Variants in HMX1 observed in about 807,000 individuals in gnomAD.
HMX1 encodes the protein H6 family homeobox 1.
Under a neutral mutation model 8.9 loss-of-function variants are expected in HMX1, and 8 were observed. That is an observed-to-expected ratio of 0.90 (90% CI 0.53 to 1.63). The LOEUF (loss-of-function observed/expected upper bound fraction) is 1.63, where lower values mean the gene tolerates loss of function less well. Among genes scored for constraint, HMX1 ranks in the 40% most tolerant of loss-of-function variants. The probability of loss-of-function intolerance (pLI) is 0.00; values close to 1 mark genes in which losing one functional copy is unlikely to be tolerated. For synonymous variants in HMX1, 311 were observed against 283.4 expected (o/e 1.10, Z -0.98); for missense variants, 621 against 558.5 (o/e 1.11, Z -1.13).
chr4:8,846,172 G>T (rs772947497), exon 2 of HMX1: 2 of 1,216,260 alleles, frequency 1.6e-6, no homozygotes, highest in South Asian at 1.3e-5. Flanking sequence ...GCTGACAAAG[G>T]CTCCACCGTG....
Position 8,868,161 on chromosome 4 carries a change from G to A in HMX1, c.579C>T (p.Arg193=). 3 of 1,502,472 alleles carry A rather than the reference G, an allele frequency of 2.0e-6. No individual in the cohort carries two copies. The highest frequency in any genetic ancestry group is 2.1e-5 in the Admixed American group (1 of 47,524). 93.1% of individuals were successfully genotyped at this position (1,502,472 alleles called of 1,614,324 possible). A position where few individuals can be genotyped will look rare whatever the true frequency, so the allele number is the denominator to read the frequency against. ...AEVPAAAGET[R]GGVGVGGGRK... is the part of the protein sequence containing the mutation. ...GGCCGCCGCCCACGCCAACGCCGCC[G>A]CGTGTCTCCCCAGCCGCCGCAGGGA... The change falls in exon 2 of 2, where the codon CGC becomes CGT. Residue 193 remains arginine, a synonymous_variant. Coordinates refer to ENST00000400677, the MANE Select transcript of HMX1 (RefSeq NM_018942.3). The surrounding 1 kb of genome is among the most constrained non-coding windows in gnomAD (Gnocchi z 4.6).
intron 1 of HMX1, among the ~76,000 whole-genome samples, chr4:8,855,820 T>C (rs1296320912): frequency 2.0e-5 from 3 of 152,120 alleles, no homozygotes. Flanking sequence ...CCAATCTGCC[T>C]GCTGACCTGC....
At chr4:8,861,911 G>C (rs1415729419) in intron 1 of HMX1, among the ~76,000 whole-genome samples, 1 of 152,244 alleles carries the variant, frequency 6.6e-6, no homozygotes, top group Non-Finnish European at 1.5e-5. Context: ...GCCGCTGCGC[G>C]CAACCTCCCA....
At chr4:8,862,712 G>A (rs1165361166), downstream of HMX1, among the ~76,000 whole-genome samples, 1 of 152,202 alleles carries the variant, frequency 6.6e-6, no homozygotes, top group Non-Finnish European at 1.5e-5. Context: ...GAACTTCACT[G>A]CAATGTCCAG....
downstream of HMX1, among the ~76,000 whole-genome samples, chr4:8,865,660 G>T (rs1037190980): frequency 6.6e-6 from 1 of 152,118 alleles, no homozygotes; most frequent in African/African-American, 2.4e-5. Flanking sequence ...GGGGAGAGGG[G>T]TCAGAAGGGG....
chr4:8,857,302 G>T (rs1337362581), intron 1 of HMX1, among the ~76,000 whole-genome samples: 1 of 152,170 alleles, frequency 6.6e-6, no homozygotes, highest in East Asian at 1.9e-4. Flanking sequence ...TCGCCCAGCC[G>T]GAGCCTCAGT....
chr4:8,854,113 T>A (rs1721537255), intron 1 of HMX1, among the ~76,000 whole-genome samples: 1 of 152,066 alleles, frequency 6.6e-6, no homozygotes, highest in Non-Finnish European at 1.5e-5. Flanking sequence ...CTGCCTCGAA[T>A]GGGTCCTGGA....
chr4:8,852,934 C>T (rs903225709), intron 1 of HMX1, among the ~76,000 whole-genome samples: 1 of 151,954 alleles, frequency 6.6e-6, no homozygotes, highest in Non-Finnish European at 1.5e-5. Flanking sequence ...AGAGCTGGTG[C>T]TTCAGCAGCC....
Position 8,871,665 on chromosome 4 carries a change from G to A in HMX1, c.-51C>T. ...GCCGGGCTCCTCGGTCCCCGCTGGG[G>A]ATGGTGGCGCGCGGCTCCCGGGCGC... On this transcript the variant is annotated 5_prime_UTR_variant, in exon 1 of 2. Transcript: ENST00000400677. This position sits in a 1 kb window ranked among gnomAD's most constrained non-coding sequence, Gnocchi z 4.8. 8.6e-7 allele frequency: 1 copy of A among 1,165,778 alleles called. No individual in the cohort carries two copies. Among genetic ancestry groups the A allele is most frequent in the Non-Finnish European group, 1.1e-6 (1 of 946,284 alleles). The allele number at this position is 1,165,778 out of a possible 1,614,324, so 72.2% of individuals were successfully genotyped here. A position where few individuals can be genotyped will look rare whatever the true frequency, so the allele number is the denominator to read the frequency against.
At chr4:8,855,318 T>G (rs978704204) in intron 1 of HMX1, among the ~76,000 whole-genome samples, 3 of 152,242 alleles carry the variant, frequency 2.0e-5, no homozygotes, top group African/African-American at 7.2e-5. Context: ...TTATCAGTGA[T>G]GATGCCTACC....
chr4:8,871,320 G>A lies in HMX1; in HGVS notation c.295C>T (p.Pro99Ser), dbSNP rs1395122003. 5.1e-6 allele frequency: 7 copies of A among 1,376,618 alleles called. No individual in the cohort carries two copies. The highest frequency in any genetic ancestry group is 3.1e-5 in the African/African-American group (2 of 65,102). The allele number at this position is 1,376,618 out of a possible 1,614,324, so 85.3% of individuals were successfully genotyped here. Reference protein sequence around the residue: ...PGALGLGPRPPPGPGPPFALG... With the variant: ...PGALGLGPRPSPGPGPPFALG... Reference sequence around the variant, plus strand: ...GCGAAGGGCGGCCCGGGACCGGGGGGCGGCCGAGGACCGAGGCCCAGCGCG... The same window carrying A: ...GCGAAGGGCGGCCCGGGACCGGGGGACGGCCGAGGACCGAGGCCCAGCGCG... The change falls in exon 1 of 2, where the codon CCC becomes TCC. Residue 99 changes from proline (P) to serine (S), a missense_variant. By Grantham distance (74) the Pro-to-Ser change is moderately conservative (BLOSUM62 -1). Coordinates refer to ENST00000400677, the MANE Select transcript of HMX1 (RefSeq NM_018942.3). The surrounding 1 kb of genome is among the most constrained non-coding windows in gnomAD (Gnocchi z 4.8).
chr4:8,848,313 CTGTT>C lies in HMX1; in HGVS notation c.395-1993_395-1990del, dbSNP rs1721336499. Reference sequence around the variant, plus strand: ...GGATGAAATTATCATTTATTTGCAACTGTTTGTTCTTTAATGTAGCTACTAGAAA... The same window carrying C: ...GGATGAAATTATCATTTATTTGCAACTGTTCTTTAATGTAGCTACTAGAAA... On this transcript the variant is annotated intron_variant, in intron 1 of 1. Coordinates refer to the HMX1 transcript ENST00000506970. The surrounding 1 kb of genome is among the most constrained non-coding windows in gnomAD (Gnocchi z 4.1). Among the ~76,000 whole-genome samples the C allele has an allele frequency of 6.6e-6, 1 of 152,144 alleles. No individual in the cohort carries two copies. Among genetic ancestry groups the C allele is most frequent in the Non-Finnish European group, 1.5e-5 (1 of 68,044 alleles).
chr4:8,862,885 C>T (rs1721874427), downstream of HMX1, among the ~76,000 whole-genome samples: 1 of 152,216 alleles, frequency 6.6e-6, no homozygotes, highest in Non-Finnish European at 1.5e-5. Flanking sequence ...CCGTGCATGA[C>T]ACGCAGAGCT....
At chr4:8,858,463 C>T (rs145559740) in intron 1 of HMX1, among the ~76,000 whole-genome samples, 7,112 of 152,272 alleles carry the variant, frequency 0.047, 205 homozygotes, top group South Asian at 0.081. Flanking sequence ...CGCGGCAAGA[C>T]CCCAGGAACT....
At chr4:8,860,534 C>G (rs932131813) in intron 1 of HMX1, 1 of 149,088 alleles carries the variant, frequency 6.7e-6, no homozygotes, top group East Asian at 1.9e-4. Flanking sequence ...GTCCAGGAAT[C>G]TAACCCTTCC....
chr4:8,868,035 G>C lies in HMX1; in HGVS notation c.705C>G (p.Gly235=). 2 of 1,537,914 alleles carry C rather than the reference G, an allele frequency of 1.3e-6. No homozygotes were observed. Among genetic ancestry groups the C allele is most frequent in the Non-Finnish European group, 1.7e-6 (2 of 1,144,026 alleles). The change falls in exon 2 of 2, where the codon GGC becomes GGG. Residue 235 remains glycine, a synonymous_variant. Coordinates refer to ENST00000400677, the MANE Select transcript of HMX1 (RefSeq NM_018942.3). This position sits in a 1 kb window ranked among gnomAD's most constrained non-coding sequence, Gnocchi z 4.6. ...CGGTGAGCTGCAGGGAGGCGGCCAG[G>C]CCGGCGCGCTCGGCGCTGCTCAGGT... The part of the protein sequence containing the change: ...KRYLSSAERA[G]LAASLQLTET...
downstream of HMX1, among the ~76,000 whole-genome samples, chr4:8,862,456 A>G (rs1248357962): frequency 2.0e-5 from 3 of 152,082 alleles, no homozygotes; most frequent in East Asian, 5.9e-4. Flanking sequence ...ACCCACCCCT[A>G]TCCCACAGTT....
rs370121616 is a variant in HMX1 at position 8,851,948 on chromosome 4, T to C, written c.395-5624A>G. On this transcript the variant is annotated intron_variant, in intron 1 of 1. Coordinates refer to the HMX1 transcript ENST00000506970. Reference sequence around the variant, plus strand: ...GGCAGAGATGGGAGGGCCTCGAACCTGCGTCCTGTGTCAAGGAGGCACCAA... The same window carrying C: ...GGCAGAGATGGGAGGGCCTCGAACCCGCGTCCTGTGTCAAGGAGGCACCAA... 6.3e-4 allele frequency among the ~76,000 whole-genome samples: 96 copies of C among 152,352 alleles called. 1 individual carries two copies. Among genetic ancestry groups the C allele is most frequent in the African/African-American group, 2.0e-3 (85 of 41,592 alleles).
chr4:8,859,635 A>C (rs191127245), intron 1 of HMX1, among the ~76,000 whole-genome samples: 2 of 152,252 alleles, frequency 1.3e-5, no homozygotes, highest in East Asian at 3.9e-4. Flanking sequence ...CAGCATCCTC[A>C]TCTCCTCGCC....
Sources: allele counts gnomAD v4.1 joint callset (sites outside exome capture counted in the v4.1 genomes callset), GRCh38; gene constraint gnomAD v4.1.1; non-coding constraint Gnocchi (gnomAD v3.1); transcripts MANE v1.5; gene names NCBI Gene and HGNC (gene_info 2026-07-23, HGNC 2026-07-21).